The following SASH1 variants were observed in gnomAD, a reference collection of about 807,000 sequenced individuals.
SASH1 encodes the protein SAM and SH3 domain-containing protein 1.
A neutral mutation model predicts 125.2 loss-of-function variants in SASH1; 44 were observed. The ratio of observed to expected loss-of-function variants is 0.35; its 90% CI spans 0.28 to 0.45. The LOEUF is 0.45. Ranked by LOEUF, SASH1 falls within the 20% of genes least tolerant of loss-of-function variation. The probability of loss-of-function intolerance (pLI) is 1.00; values close to 1 mark genes in which losing one functional copy is unlikely to be tolerated. For missense variants in SASH1, 1,426 were observed against 1,614.5 expected, an observed-to-expected ratio of 0.88 and a Z score of 2.00; for synonymous variants, 639 against 649.1, an observed-to-expected ratio of 0.98 and a Z score of 0.24.
In SASH1 at chr6:148,441,917, C is replaced by T. The variant is rs75163194; in HGVS notation, c.386+1510C>T. The stretch of plus-strand genomic sequence containing the variant: ...AGGTTAACAAAAAATTTTAAACACA[C>T]GCCCACTGTCTCCATTTGTAATATT... On this transcript the variant is annotated intron_variant, in intron 4 of 19. Coordinates refer to ENST00000367467, the MANE Select transcript of SASH1 (RefSeq NM_015278.5). Among the ~76,000 whole-genome samples, 354 of 152,248 alleles carry T rather than the reference C, an allele frequency of 2.3e-3. 2 individuals are homozygous for T. The highest frequency in any genetic ancestry group is 7.8e-3 in the African/African-American group (323 of 41,554).
chr6:148,521,353 C>T (rs901570556), intron 10 of SASH1, among the ~76,000 whole-genome samples: 3 of 152,178 alleles, frequency 2.0e-5, no homozygotes, highest in Non-Finnish European at 2.9e-5. Flanking sequence ...GGGGCCTTCC[C>T]GTTCATGAAC....
intron 2 of SASH1, chr6:148,393,701 A>G: frequency 3.0e-6 from 3 of 985,340 alleles, no homozygotes; most frequent in Non-Finnish European, 3.6e-6. Context: ...CCAAAACCGC[A>G]GAAGACAGTC....
rs1781675267 is a variant in SASH1 at position 148,533,858 on chromosome 6, A to G, written c.1822A>G (p.Ile608Val). 5.0e-6 allele frequency: 8 copies of G among 1,613,970 alleles called. No homozygotes were observed. The highest frequency in any genetic ancestry group is 5.9e-6 in the Non-Finnish European group (7 of 1,180,016). The change falls in exon 15 of 20, where the codon ATC becomes GTC. Residue 608 changes from isoleucine (I) to valine (V), a missense_variant. This residue lies in a region of SASH1 where 225 missense variants were observed against 344.5 expected (regional missense o/e 0.65). Coordinates refer to ENST00000367467, the MANE Select transcript of SASH1 (RefSeq NM_015278.5). This position sits in a 1 kb window ranked among gnomAD's most constrained non-coding sequence, Gnocchi z 6.2. Reference sequence around the variant, plus strand: ...CAACAAAGTCGGCACGTTCAAGTTCATCTACGTGGACGTGCTCAGTGAAGA... The same window carrying G: ...CAACAAAGTCGGCACGTTCAAGTTCGTCTACGTGGACGTGCTCAGTGAAGA... ...LNNKVGTFKF[I>V]YVDVLSEDEE...
intron 11 of SASH1, among the ~76,000 whole-genome samples, chr6:148,526,305 G>A (rs542854409): frequency 1.3e-5 from 2 of 152,078 alleles, no homozygotes; most frequent in South Asian, 4.2e-4. Context: ...CTTGTGATCC[G>A]CCCATCTTGG....
chr6:148,303,140 C>T (rs933374044), intron 1 of SASH1, among the ~76,000 whole-genome samples: 1 of 151,902 alleles, frequency 6.6e-6, no homozygotes, highest in Non-Finnish European at 1.5e-5. Flanking sequence ...ACCACCATGC[C>T]AGGCTAATTT....
chr6:148,344,279 C>T (rs1781446728), intron 1 of SASH1, among the ~76,000 whole-genome samples: 1 of 152,180 alleles, frequency 6.6e-6, no homozygotes, highest in Non-Finnish European at 1.5e-5. Flanking sequence ...GAAAAGAAGA[C>T]TTGCTTCTTG....
chr6:148,451,507 A>G (rs1399889639), intron 4 of SASH1, among the ~76,000 whole-genome samples: 1 of 152,184 alleles, frequency 6.6e-6, no homozygotes, highest in African/African-American at 2.4e-5. Context: ...CTTCTAAAAT[A>G]GAAACAACTG....
the SASH1 span, among the ~76,000 whole-genome samples, chr6:148,264,803 C>T: frequency 6.6e-6 from 1 of 152,218 alleles, no homozygotes; most frequent in East Asian, 1.9e-4. Context: ...CCTCTCCTAA[C>T]AACCTCCATC....
the SASH1 span, among the ~76,000 whole-genome samples, chr6:148,194,860 C>G: frequency 6.6e-6 from 1 of 152,188 alleles, no homozygotes; most frequent in South Asian, 2.1e-4. Context: ...GAGCCGAGAT[C>G]GCGCCACTGC....
At chr6:148,497,968 C>T (rs1779384348) in intron 8 of SASH1, among the ~76,000 whole-genome samples, 2 of 152,124 alleles carry the variant, frequency 1.3e-5, no homozygotes, top group African/African-American at 4.8e-5. Context: ...TCGGAAGGCA[C>T]TCTCATGGCA....
chr6:148,480,479 ATC>A (rs1160293193), intron 7 of SASH1: 10 of 152,212 alleles, frequency 6.6e-5, no homozygotes, highest in African/African-American at 2.4e-4. Context: ...AAATGGGTTT[ATC>A]TCTCACTGTC....
intron 4 of SASH1, among the ~76,000 whole-genome samples, chr6:148,445,698 A>T (rs929063912): frequency 9.9e-5 from 15 of 152,228 alleles, no homozygotes; most frequent in Non-Finnish European, 1.9e-4. Context: ...GTGGGAAGAA[A>T]AAGCAGGGCG....
chr6:148,352,936 C>T (rs557169778), intron 1 of SASH1, among the ~76,000 whole-genome samples: 112 of 152,066 alleles, frequency 7.4e-4, no homozygotes, highest in African/African-American at 2.4e-3. Context: ...TGCTACTGTA[C>T]GCCAGCCCGG....
At chr6:148,223,156 C>G in the SASH1 span, among the ~76,000 whole-genome samples, 1 of 108,520 alleles carries the variant, frequency 9.2e-6, no homozygotes, top group Non-Finnish European at 1.9e-5. Flanking sequence ...GGATAAGAGC[C>G]TAGACAGAGA....
At chr6:148,497,291 T>G (rs1467211365) in intron 8 of SASH1, among the ~76,000 whole-genome samples, 1 of 152,246 alleles carries the variant, frequency 6.6e-6, no homozygotes, top group Non-Finnish European at 1.5e-5. Context: ...ACTTCTTCTC[T>G]TCTGCCCTCC....
At chr6:148,538,577 A>G (rs1782017070) in intron 16 of SASH1, among the ~76,000 whole-genome samples, 1 of 151,894 alleles carries the variant, frequency 6.6e-6, no homozygotes, top group Non-Finnish European at 1.5e-5. Flanking sequence ...TAAAAGTAGC[A>G]CTCTTAATTT....
chr6:148,302,664 C>T (rs9497995), intron 1 of SASH1, among the ~76,000 whole-genome samples: 66,841 of 133,190 alleles, frequency 0.5, 15,622 homozygotes, highest in African/African-American at 0.61. Context: ...TATATATATA[C>T]ACACACACAC....
intron 1 of SASH1, among the ~76,000 whole-genome samples, chr6:148,319,209 A>G (rs1358707985): frequency 6.7e-6 from 1 of 149,934 alleles, no homozygotes; most frequent in Non-Finnish European, 1.5e-5. Context: ...ATTCTTTTGT[A>G]TTTTTTAGTG....
Position 148,343,209 on chromosome 6 carries a change from G to C in SASH1, c.142G>C (p.Val48Leu), listed in dbSNP as rs551595967. The C allele has an allele frequency of 1.9e-6, 3 of 1,592,238 alleles. No homozygotes were observed. Among genetic ancestry groups the C allele is most frequent in the South Asian group, 2.2e-5 (2 of 90,020 alleles). ...SEAFSRLWTD[V>L]MGILDGSLGN... ...GGCGTTCTCCCGACTCTGGACCGAC[G>C]TGATGGGTATCCTGGTAAGTTACCT... The change falls in exon 1 of 20, where the codon GTG becomes CTG. Residue 48 changes from valine to leucine, a missense_variant. By Grantham distance (32) the Val-to-Leu change is conservative (BLOSUM62 1). Transcript: ENST00000367467.
Sources: gnomAD v4.1 joint callset for allele counts (sites outside exome capture counted in the v4.1 genomes callset) on GRCh38, gnomAD v4.1.1 for gene constraint, gnomAD v4.1.1 regional missense constraint, Gnocchi (gnomAD v3.1) non-coding constraint, MANE v1.5 for transcripts, NCBI Gene and HGNC (gene_info 2026-07-23, HGNC 2026-07-21) for gene names.